The following ZDHHC11 variants were observed in gnomAD, a reference collection of about 807,000 sequenced individuals.
ZDHHC11 encodes zDHHC palmitoyltransferase 11.
A neutral mutation model predicts 51.3 loss-of-function variants in ZDHHC11; 44 were observed. The ratio of observed to expected loss-of-function variants is 0.86; its 90% confidence interval spans 0.67 to 1.10. The LOEUF (loss-of-function observed/expected upper bound fraction) is 1.10. ZDHHC11 is among the 50% of genes least tolerant of loss of function. The pLI is 0.00. For missense variants in ZDHHC11, 400 were observed against 537.7 expected (o/e 0.74, Z 2.53); for synonymous variants, 163 against 222.0 (o/e 0.73, Z 2.36).
chr5:846,864 T>C (rs1209118100), intron 3 of ZDHHC11, among the ~76,000 whole-genome samples: 1 of 115,340 alleles, frequency 8.7e-6, no homozygotes, highest in East Asian at 2.4e-4. Context: ...CCTCTCGTTC[T>C]TGCACCTCCA....
chr5:856,963 G>A (rs1057122922), intron 1 of ZDHHC11, among the ~76,000 whole-genome samples: 19 of 132,428 alleles, frequency 1.4e-4, no homozygotes, highest in African/African-American at 3.7e-4. Context: ...ACTACACACC[G>A]CATACCACAC....
upstream of ZDHHC11, among the ~76,000 whole-genome samples, chr5:853,714 C>A (rs550092000): frequency 4.9e-4 from 73 of 150,066 alleles, no homozygotes; most frequent in Non-Finnish European, 1.0e-4. Context: ...GGGAGACAGA[C>A]CCCACAGAGG....
At chr5:854,930 G>C (rs1466252947), upstream of ZDHHC11, among the ~76,000 whole-genome samples, 1 of 149,338 alleles carries the variant, frequency 6.7e-6, no homozygotes, top group African/African-American at 2.5e-5. Context: ...TGAGCAGTGG[G>C]GATAGACCCC....
intron 5 of ZDHHC11, among the ~76,000 whole-genome samples, chr5:838,464 C>T (rs1272744667): frequency 7.2e-5 from 11 of 152,092 alleles, no homozygotes; most frequent in African/African-American, 2.7e-4. Context: ...GAGCAGATGG[C>T]GGTGGGCGCC....
upstream of ZDHHC11, among the ~76,000 whole-genome samples, chr5:852,593 C>A (rs758013475): frequency 6.6e-6 from 1 of 150,830 alleles, no homozygotes; most frequent in Non-Finnish European, 1.5e-5. Context: ...CGGGGACAGA[C>A]GCCACGGAGG....
chr5:820,413 A>G (rs1187307712), intron 9 of ZDHHC11, among the ~76,000 whole-genome samples: 3 of 151,600 alleles, frequency 2.0e-5, no homozygotes, highest in Non-Finnish European at 4.4e-5. Context: ...TGCAGTTGTG[A>G]TCATTACCAA....
intron 9 of ZDHHC11, 52 bp from the exon 10 acceptor site, chr5:819,664 C>A: frequency 1.9e-6 from 3 of 1,567,868 alleles, no homozygotes; most frequent in Non-Finnish European, 2.6e-6. Context: ...GTAGGGCGCT[C>A]AGGATGGCAC....
intron 11 of ZDHHC11, among the ~76,000 whole-genome samples, chr5:808,072 G>A (rs1240503478): frequency 2.0e-5 from 3 of 150,384 alleles, no homozygotes; most frequent in Non-Finnish European, 4.4e-5. Context: ...ACCTTCCGTG[G>A]TCAGAATGGG....
chr5:813,992 T>C (rs1448915167), intron 11 of ZDHHC11, among the ~76,000 whole-genome samples: 4 of 150,782 alleles, frequency 2.7e-5, no homozygotes, highest in African/African-American at 9.8e-5. Context: ...GATGAAACTT[T>C]AGTAGAGTGT....
chr5:807,655 C>T (rs558650365), intron 11 of ZDHHC11, among the ~76,000 whole-genome samples: 1 of 152,248 alleles, frequency 6.6e-6, no homozygotes, highest in South Asian at 2.1e-4. Flanking sequence ...GTGATGTTCA[C>T]AACTCCAGGA....
At chr5:840,057 G>C (rs1744530980) in intron 5 of ZDHHC11, 1 of 601,744 alleles carries the variant, frequency 1.7e-6, no homozygotes, top group Admixed American at 2.9e-5. Context: ...TCTCGCTTCA[G>C]TTGTTTGGTT....
At chr5:812,825 C>T (rs949010362) in intron 11 of ZDHHC11, among the ~76,000 whole-genome samples, 7 of 151,174 alleles carry the variant, frequency 4.6e-5, no homozygotes, top group African/African-American at 1.5e-4. Context: ...ACGGTATATG[C>T]ACATCATGAG....
chr5:855,343 TCAGGGGGCACAGACCCCACAGAGGACAGA>T (rs1748037572), upstream of ZDHHC11, among the ~76,000 whole-genome samples: 2 of 37,634 alleles, frequency 5.3e-5, no homozygotes, highest in Middle Eastern at 0.017. Context: ...GGACAGCGAG[TCAGGGGGCACAGACCCCACAGAGGACAGA>T]GAGCCGGGGA....
upstream of ZDHHC11, among the ~76,000 whole-genome samples, chr5:851,776 C>T (rs556388593): frequency 2.6e-5 from 4 of 152,166 alleles, no homozygotes; most frequent in South Asian, 8.3e-4. Flanking sequence ...GGTTCTTTGG[C>T]CGGGCGCGGG....
intron 4 of ZDHHC11, 178 bp from the exon 5 acceptor site, chr5:840,828 C>G (rs1282259741): frequency 6.8e-7 from 1 of 1,480,118 alleles, no homozygotes; most frequent in Non-Finnish European, 9.0e-7. Flanking sequence ...GCCCTGCTGC[C>G]TTCGGTTGGT....
At chr5:854,185 G>T (rs1258178995), upstream of ZDHHC11, among the ~76,000 whole-genome samples, 2 of 145,700 alleles carry the variant, frequency 1.4e-5, no homozygotes, top group Non-Finnish European at 3.0e-5. Flanking sequence ...ACAGCGAGCC[G>T]GGGGGACAGA....
chr5:840,456 A>G, intron 5 of ZDHHC11, 39 bp downstream of exon 5: 1 of 1,612,848 alleles, frequency 6.2e-7, no homozygotes, highest in Non-Finnish European at 8.5e-7. Context: ...CTGACCACCC[A>G]GCCTTGGGGG....
chr5:840,478 T>C lies in ZDHHC11; in HGVS notation c.784+17A>G. 1.2e-6 allele frequency: 2 copies of C among 1,613,152 alleles called. No individual in the cohort carries two copies. The highest frequency in any genetic ancestry group is 1.7e-6 in the Non-Finnish European group (2 of 1,179,834). ...CCCAGCCTTGGGGGGATCGGGGGCT[T>C]AGGGTGGGGGACATACTCAGGTAGA... On this transcript the variant is annotated intron_variant, in intron 5 of 12. Coordinates refer to ENST00000283441, the MANE Select transcript of ZDHHC11 (RefSeq NM_024786.3).
At chr5:819,311 G>A (rs536278248) in intron 10 of ZDHHC11, among the ~76,000 whole-genome samples, 48 of 151,642 alleles carry the variant, frequency 3.2e-4, no homozygotes, top group South Asian at 1.7e-3. Context: ...TTTGGTACCC[G>A]TCTGTCTCTC....
Sources: allele counts gnomAD v4.1 joint callset (sites outside exome capture counted in the v4.1 genomes callset), GRCh38; gene constraint gnomAD v4.1.1; transcripts MANE v1.5; gene names NCBI Gene and HGNC (gene_info 2026-07-23, HGNC 2026-07-21).